The following AFP variants were observed in gnomAD, a reference collection of about 807,000 sequenced individuals.
The protein encoded by AFP is alpha-fetoprotein.
A neutral mutation model predicts 78.9 loss-of-function variants in AFP; 64 were observed. The ratio of observed to expected loss-of-function variants is 0.81; its 90% CI spans 0.66 to 1.00. The LOEUF is 1.00. AFP is among the 50% of genes least tolerant of loss of function. AFP has a pLI of 0.00. For synonymous variants in AFP, 254 were observed against 243.8 expected, an observed-to-expected ratio of 1.04 and a Z score of -0.39; for missense variants, 689 against 703.8, an observed-to-expected ratio of 0.98 and a Z score of 0.24.
chr4:73,441,341 C>A lies in AFP; in HGVS notation c.482+528C>A, dbSNP rs190926048. 9.4e-3 allele frequency among the ~76,000 whole-genome samples: 1,423 copies of A among 151,664 alleles called. 15 individuals are homozygous for A. The highest frequency in any genetic ancestry group is 0.032 in the African/African-American group (1,304 of 41,348). Reference sequence around the variant, plus strand: ...CAGCACTTTGGGAGGCCGAGGCGGGCGGATCACGAGGTCAGGAGATCGAGA... The same window carrying A: ...CAGCACTTTGGGAGGCCGAGGCGGGAGGATCACGAGGTCAGGAGATCGAGA... On this transcript the variant is annotated intron_variant, in intron 4 of 14. Coordinates refer to ENST00000395792, the MANE Select transcript of AFP (RefSeq NM_001134.3).
At chr4:73,436,411 G>T (rs959788242) in intron 1 of AFP, 64 bp downstream of exon 1, 11 of 939,686 alleles carry the variant, frequency 1.2e-5, no homozygotes, top group South Asian at 6.6e-5. Flanking sequence ...TATAAAATTT[G>T]CATTAATTTG....
rs747037295 is a variant in AFP at position 73,452,672 on chromosome 4, G to C, written c.1652+48G>C. ...CATGGAAAAGAATGACAACCCCAAA[G>C]AGTAACTGAGACTTCTACCTCGCTC... On this transcript the variant is annotated intron_variant, in intron 12 of 14. Transcript: ENST00000395792. 2.1e-6 allele frequency: 3 copies of C among 1,437,432 alleles called. No homozygotes were observed. The Admixed American group carries it at 5.2e-5, about 25-fold the overall frequency. 89.0% of individuals were successfully genotyped at this position (1,437,432 alleles called of 1,614,324 possible).
chr4:73,446,323 T>TA (rs1200424321), intron 7 of AFP, among the ~76,000 whole-genome samples: 1 of 152,242 alleles, frequency 6.6e-6, no homozygotes, highest in African/African-American at 2.4e-5. Context: ...TTGTCATTTT[T>TA]AAAAAGTTAA....
chr4:73,450,590 CTTAG>C (rs1719963026), intron 10 of AFP, 21 bp from the exon 11 acceptor site: 1 of 1,613,912 alleles, frequency 6.2e-7, no homozygotes. Flanking sequence ...CTCAGCAGGA[CTTAG>C]TTAAAAAATG....
chr4:73,438,374 CA>C, intron 3 of AFP, 68 bp downstream of exon 3: 1 of 1,513,292 alleles, frequency 6.6e-7, no homozygotes. Context: ...AGAGAAGATA[CA>C]AAAATAGCAG....
Position 73,438,238 on chromosome 4 carries a change from A to G in AFP, c.202A>G (p.Lys68Glu), listed in dbSNP as rs558885965. The change falls in exon 3 of 15, where the codon AAA (lysine) becomes GAA (glutamate). Residue 68 changes from lysine (K) to glutamate (E), a missense_variant. Transcript: ENST00000395792. ...ATYKEVSKMV[K>E]DALTAIEKPT... ...TTACAAGGAAGTAAGCAAAATGGTG[A>G]AAGATGCATTGACTGCAATTGAGAA... is the stretch of plus-strand genomic sequence containing the variant. 9 of 1,613,600 alleles carry G rather than the reference A, an allele frequency of 5.6e-6. No individual in the cohort carries two copies. The highest frequency in any genetic ancestry group is 1.7e-4 in the Middle Eastern group (1 of 6,058).
At chr4:73,441,336 G>T (rs563044730) in intron 4 of AFP, among the ~76,000 whole-genome samples, 14 of 152,066 alleles carry the variant, frequency 9.2e-5, no homozygotes, top group African/African-American at 3.1e-4. Flanking sequence ...GGAGGCCGAG[G>T]CGGGCGGATC....
At position 73,438,178 on chromosome 4, in the gene AFP, A is replaced by G. The variant is rs1719562024; in HGVS notation, c.142A>G (p.Thr48Ala). The change falls in exon 3 of 15, where the codon ACC becomes GCC. Residue 48 changes from threonine to alanine, a missense_variant. Transcript: ENST00000395792. ...TCACACGTATTTTTGTTTCAGGGCT[A>G]CCATATTTTTTGCCCAGTTTGTTCA... Reference protein sequence around the residue: ...TAEISLADLATIFFAQFVQEA... With the variant: ...TAEISLADLAAIFFAQFVQEA... 12 of 1,613,224 alleles carry G rather than the reference A, an allele frequency of 7.4e-6. No homozygotes were observed. The highest frequency in any genetic ancestry group is 1.0e-5 in the Non-Finnish European group (12 of 1,179,418).
At position 73,440,922 on chromosome 4, in the gene AFP, T is replaced by C. The variant is rs963519943; in HGVS notation, c.482+109T>C. Reference sequence around the variant, plus strand: ...TGTACTCCCAGTAAGAGGTATAATGTTTCTTTGGTGTTGTGTCTGCTGAGG... The same window carrying C: ...TGTACTCCCAGTAAGAGGTATAATGCTTCTTTGGTGTTGTGTCTGCTGAGG... On this transcript the variant is annotated intron_variant, in intron 4 of 14. Transcript: ENST00000395792. 4.7e-6 allele frequency: 5 copies of C among 1,065,604 alleles called. No homozygotes were observed. In the African/African-American group the frequency reaches 8.0e-5, roughly 17 times the overall value. The allele number at this position is 1,065,604 out of a possible 1,614,324, so 66.0% of individuals were successfully genotyped here. A position where few individuals can be genotyped will look rare whatever the true frequency, so the allele number is the denominator to read the frequency against.
rs910264538 is a variant in AFP at position 73,444,368 on chromosome 4, C to T, written c.714-625C>T. 2.0e-5 allele frequency among the ~76,000 whole-genome samples: 3 copies of T among 152,176 alleles called. No homozygotes were observed. The South Asian group carries it at 6.2e-4, about 32-fold the overall frequency. On this transcript the variant is annotated intron_variant, in intron 6 of 14. Coordinates refer to ENST00000395792, the MANE Select transcript of AFP (RefSeq NM_001134.3). Reference sequence around the variant, plus strand: ...GTCTAAATTTATAGAGAAGATCCATCTTTATCAGAAGCAGGAGTAACACTA... The same window carrying T: ...GTCTAAATTTATAGAGAAGATCCATTTTTATCAGAAGCAGGAGTAACACTA...
intron 4 of AFP, among the ~76,000 whole-genome samples, chr4:73,441,628 T>C (rs1464902077): frequency 6.6e-6 from 1 of 150,692 alleles, no homozygotes. Context: ...AGGATCAGAT[T>C]AACACTCACA....
chr4:73,445,057 C>G lies in AFP; in HGVS notation c.778C>G (p.Leu260Val), dbSNP rs141239137. Reference protein sequence around the residue: ...VNFTEIQKLVLDVAHVHEHCC... With the variant: ...VNFTEIQKLVVDVAHVHEHCC... ...TTTTACTGAAATCCAGAAACTAGTC[C>G]TGGATGTGGCCCATGTACATGAGCA... The change falls in exon 7 of 15, where the codon CTG (leucine) becomes GTG (valine). Residue 260 changes from leucine to valine, a missense_variant. By Grantham distance (32) the Leu-to-Val change is conservative. Coordinates refer to ENST00000395792, the MANE Select transcript of AFP (RefSeq NM_001134.3). 358 of 1,613,824 alleles carry G rather than the reference C, an allele frequency of 2.2e-4. 1 individual carries two copies. The East Asian group carries it at 7.8e-3, about 35-fold the overall frequency.
In AFP at chr4:73,442,090, C is replaced by T. The variant is rs552516356; in HGVS notation, c.483-206C>T. The stretch of plus-strand genomic sequence containing the variant: ...GGTACCATCTGTCAGATATTTTTCC[C>T]CCCAGGATCTTTAGTGAGGAAAATT... On this transcript the variant is annotated intron_variant, in intron 4 of 14. Transcript: ENST00000395792. 2.0e-5 allele frequency among the ~76,000 whole-genome samples: 3 copies of T among 152,082 alleles called. No homozygotes were observed. In the East Asian group the frequency reaches 5.8e-4, roughly 29 times the overall value.
At chr4:73,439,722 G>A (rs1361533246) in intron 3 of AFP, among the ~76,000 whole-genome samples, 1 of 152,142 alleles carries the variant, frequency 6.6e-6, no homozygotes, top group Non-Finnish European at 1.5e-5. Flanking sequence ...TTTGGTAAGG[G>A]TAAGTCACAG....
rs1577958207 is a variant in AFP, at chr4:73,450,134, G to A, written c.1289+1G>A. On this transcript the variant is annotated splice_donor_variant, in intron 10 of 14. Coordinates refer to ENST00000395792, the MANE Select transcript of AFP (RefSeq NM_001134.3). LOFTEE classifies it high-confidence loss of function. ...TAGGAGAATATTACTTACAAAATGC[G>A]TATGTTTTTGTAAACAGTATTTTTA... 7.5e-6 allele frequency: 12 copies of A among 1,596,880 alleles called. No individual in the cohort carries two copies. Among genetic ancestry groups the A allele is most frequent in the South Asian group, 3.3e-5 (3 of 90,296 alleles).
intron 2 of AFP, 78 bp downstream of exon 2, chr4:73,437,289 C>T (rs2149332595): frequency 1.7e-6 from 2 of 1,191,438 alleles, no homozygotes; most frequent in East Asian, 4.8e-5. Flanking sequence ...TTGGGTACCC[C>T]TGTGAGCTCT....
chr4:73,445,990 A>G (rs1236296775), intron 7 of AFP, among the ~76,000 whole-genome samples: 1 of 152,202 alleles, frequency 6.6e-6, no homozygotes, highest in Admixed American at 6.5e-5. Flanking sequence ...GCTCTTAGGT[A>G]CTCAAATGGC....
At chr4:73,449,574 G>C (rs1719928495) in intron 9 of AFP, 107 bp downstream of exon 9, 1 of 1,321,732 alleles carries the variant, frequency 7.6e-7, no homozygotes, top group Non-Finnish European at 1.1e-6. Flanking sequence ...TTGTTAGCCA[G>C]TTATATCTAT....
rs770282601 is a variant in AFP, at chr4:73,438,305, A to G, written c.269A>G (p.Gln90Arg). 5 of 1,611,416 alleles carry G rather than the reference A, an allele frequency of 3.1e-6. No homozygotes were observed. Among genetic ancestry groups the G allele is most frequent in the Non-Finnish European group, 4.2e-6 (5 of 1,178,208 alleles). ...DEQSSGCLEN[Q>R]LPAFLEELCH... ...CAGTCTTCAGGGTGTTTAGAAAACC[A>G]GGTGAGTGAATAATTTTAAAAAAGC... is the stretch of plus-strand genomic sequence containing the variant. Residue 90 changes from glutamine (Q) to arginine (R), a missense_variant and splice_region_variant, in exon 3 of 15, where the codon CAG (glutamine) becomes CGG (arginine). Gln to Arg is a conservative substitution (Grantham distance 43). Transcript: ENST00000395792.
Sources: allele counts gnomAD v4.1 joint callset (sites outside exome capture counted in the v4.1 genomes callset), GRCh38; gene constraint gnomAD v4.1.1; transcripts MANE v1.5; gene names NCBI Gene and HGNC (gene_info 2026-07-23, HGNC 2026-07-21).